CRADD: variants seen among roughly 807,000 people sequenced by gnomAD.
CRADD encodes the protein CARD and death domain containing adaptor protein, also known as death domain-containing protein CRADD.
Under a neutral mutation model 15.5 loss-of-function variants are expected in CRADD, and 9 were observed. That is an observed-to-expected ratio of 0.58 (90% CI 0.35 to 1.01). The LOEUF (loss-of-function observed/expected upper bound fraction) is 1.01, where lower values mean the gene tolerates loss of function less well. Ranked by LOEUF, CRADD falls within the 50% of genes least tolerant of loss-of-function variation. CRADD has a pLI of 0.02. For synonymous variants in CRADD, 118 were observed against 107.6 expected (o/e 1.10, Z -0.60); for missense variants, 227 against 250.3 (o/e 0.91, Z 0.63).
At chr12:93,696,537 C>T (rs1277634007) in intron 2 of CRADD, among the ~76,000 whole-genome samples, 1 of 151,900 alleles carries the variant, frequency 6.6e-6, no homozygotes, top group Non-Finnish European at 1.5e-5. Context: ...AAAAGTTGAA[C>T]TCATGGAAGC....
At chr12:93,787,058 A>G (rs1280535472) in intron 2 of CRADD, among the ~76,000 whole-genome samples, 2 of 149,406 alleles carry the variant, frequency 1.3e-5, no homozygotes, top group African/African-American at 5.0e-5. Context: ...TAATGTTGCT[A>G]TTGCTCAAAA....
chr12:93,692,418 C>A (rs938633575), intron 2 of CRADD, among the ~76,000 whole-genome samples: 1 of 152,040 alleles, frequency 6.6e-6, no homozygotes, highest in Non-Finnish European at 1.5e-5. Context: ...CTACACTAAG[C>A]CTTATTATAA....
intron 2 of CRADD, chr12:93,733,461 A>G (rs1419917752): frequency 1.3e-5 from 2 of 152,310 alleles, no homozygotes; most frequent in Non-Finnish European, 1.5e-5. Context: ...TTCATTTCTC[A>G]CAATCGCCCC....
chr12:93,833,965 T>G (rs1957943048), intron 2 of CRADD, among the ~76,000 whole-genome samples: 1 of 152,198 alleles, frequency 6.6e-6, no homozygotes, highest in South Asian at 2.1e-4. Flanking sequence ...TCACACAACA[T>G]GAGCAGAAAC....
intron 2 of CRADD, among the ~76,000 whole-genome samples, chr12:93,803,596 C>G (rs953403212): frequency 1.3e-5 from 2 of 152,158 alleles, no homozygotes; most frequent in Non-Finnish European, 2.9e-5. Context: ...CAAGTCTTAA[C>G]TCGGGAGATC....
At chr12:93,815,482 G>A (rs766223667) in intron 2 of CRADD, 10 of 152,110 alleles carry the variant, frequency 6.6e-5, no homozygotes, top group Non-Finnish European at 1.5e-4. Context: ...AACATTTTCT[G>A]TAAGCTATTT....
chr12:93,690,267 A>G (rs1955536065), intron 2 of CRADD, among the ~76,000 whole-genome samples: 1 of 152,248 alleles, frequency 6.6e-6, no homozygotes, highest in Non-Finnish European at 1.5e-5. Flanking sequence ...AAAGAGTGAA[A>G]GCTGATTGAA....
intron 2 of CRADD, among the ~76,000 whole-genome samples, chr12:93,805,540 G>A (rs1197141820): frequency 6.6e-6 from 1 of 151,006 alleles, no homozygotes; most frequent in Admixed American, 6.6e-5. Flanking sequence ...CCAGTACATC[G>A]AGCTGTTCAG....
At chr12:93,892,446 C>T (rs77481466) in intron 2 of CRADD, among the ~76,000 whole-genome samples, 2,768 of 152,292 alleles carry the variant, frequency 0.018, 92 homozygotes, top group African/African-American at 0.062. Flanking sequence ...GTAAGGATTA[C>T]GTTGTGATTG....
chr12:93,754,375 G>A (rs906640782), intron 2 of CRADD, among the ~76,000 whole-genome samples: 3 of 152,170 alleles, frequency 2.0e-5, no homozygotes, highest in Non-Finnish European at 4.4e-5. Context: ...TTAACATTTG[G>A]CTCCTTGTTA....
intron 2 of CRADD, among the ~76,000 whole-genome samples, chr12:93,680,534 A>G (rs1234987651): frequency 2.6e-5 from 4 of 152,224 alleles, no homozygotes; most frequent in Non-Finnish European, 5.9e-5. Flanking sequence ...AGTTAAATGT[A>G]TCTTTAGGCT....
rs1958594042 is a variant in CRADD at position 93,893,902 on chromosome 12, A to C, written c.299-148A>C. The stretch of plus-strand genomic sequence containing the variant: ...GCGACAGAGCAAGACTCCATCTCAA[A>C]AAAGAAAAAAAAAAAAATAAGCACT... On this transcript the variant is annotated intron_variant, in intron 2 of 2. Coordinates refer to the CRADD transcript ENST00000548483. The C allele has an allele frequency of 1.5e-5, 9 of 612,718 alleles. No individual in the cohort carries two copies. In the East Asian group the frequency reaches 2.5e-4, roughly 17 times the overall value. The allele number at this position is 612,718 out of a possible 1,614,324, so 38.0% of individuals were successfully genotyped here. A position where few individuals can be genotyped will look rare whatever the true frequency, so the allele number is the denominator to read the frequency against.
chr12:93,779,525 G>A (rs1957177025), intron 2 of CRADD, among the ~76,000 whole-genome samples: 1 of 151,230 alleles, frequency 6.6e-6, no homozygotes, highest in Non-Finnish European at 1.5e-5. Flanking sequence ...AAAGGAAATA[G>A]AGAAATAAAA....
At chr12:93,822,476 A>G (rs570864647) in intron 2 of CRADD, among the ~76,000 whole-genome samples, 1 of 152,254 alleles carries the variant, frequency 6.6e-6, no homozygotes, top group East Asian at 1.9e-4. Context: ...AGCTGAGACA[A>G]GGCTTGGTAT....
chr12:93,875,230 T>C (rs75795439), intron 2 of CRADD, among the ~76,000 whole-genome samples: 4,926 of 150,268 alleles, frequency 0.033, 270 homozygotes, highest in African/African-American at 0.11. Context: ...GATGGCACTA[T>C]AGCAACTCCT....
At chr12:93,890,022 G>C (rs987620844) in intron 2 of CRADD, among the ~76,000 whole-genome samples, 1 of 152,198 alleles carries the variant, frequency 6.6e-6, no homozygotes, top group African/African-American at 2.4e-5. Context: ...TACATACTCA[G>C]CCCGGGCCTC....
intron 2 of CRADD, among the ~76,000 whole-genome samples, chr12:93,879,690 C>T (rs1001148259): frequency 6.6e-6 from 1 of 152,158 alleles, no homozygotes; most frequent in Non-Finnish European, 1.5e-5. Flanking sequence ...ATTAACAGTT[C>T]AATAATAACT....
chr12:93,712,304 C>T (rs1956088649), intron 2 of CRADD, among the ~76,000 whole-genome samples: 1 of 152,114 alleles, frequency 6.6e-6, no homozygotes, highest in African/African-American at 2.4e-5. Flanking sequence ...TGAAATTGTC[C>T]TGCTTAGTTA....
chr12:93,736,638 G>C (rs1484380471), intron 2 of CRADD, among the ~76,000 whole-genome samples: 1 of 152,154 alleles, frequency 6.6e-6, no homozygotes, highest in Admixed American at 6.5e-5. Context: ...GATGTGACTA[G>C]GGGTAGGCTA....
Sources: gnomAD v4.1 joint callset for allele counts (sites outside exome capture counted in the v4.1 genomes callset) on GRCh38, gnomAD v4.1.1 for gene constraint, MANE v1.5 for transcripts, NCBI Gene and HGNC (gene_info 2026-07-23, HGNC 2026-07-21) for gene names.